MARCHF5: variants seen among roughly 807,000 people sequenced by gnomAD.
MARCHF5 encodes E3 ubiquitin-protein ligase MARCHF5.
Under a neutral mutation model 36.5 loss-of-function variants are expected in MARCHF5, and 5 were observed. The ratio of observed to expected loss-of-function variants is 0.14; its 90% confidence interval spans 0.07 to 0.29. The LOEUF is 0.29. MARCHF5 is among the 10% of genes least tolerant of loss of function. The pLI, the probability that MARCHF5 is intolerant of heterozygous loss-of-function variation, is 1.00. For synonymous variants in MARCHF5, 103 were observed against 109.9 expected (o/e 0.94, Z 0.39); for missense variants, 179 against 336.3 (o/e 0.53, Z 3.66).
Position 92,349,795 on chromosome 10 carries a change from G to A in MARCHF5, c.678G>A (p.Leu226=), listed in dbSNP as rs767181742. 6.8e-6 allele frequency: 11 copies of A among 1,613,912 alleles called. No individual in the cohort carries two copies. The highest frequency in any genetic ancestry group is 9.3e-6 in the Non-Finnish European group (11 of 1,179,810). ...CTATTGCTACAATAGTTGGTAAATT[G>A]ATGTTCAGTAGTGTTAACTCTAATT... is the stretch of plus-strand genomic sequence containing the variant. The part of the protein sequence containing the change: ...FPTIATIVGK[L]MFSSVNSNLQ... Residue 226 remains leucine (L), a synonymous_variant, in exon 5 of 6, where the codon TTG becomes TTA. Transcript: ENST00000358935.
intron 2 of MARCHF5, among the ~76,000 whole-genome samples, chr10:92,314,838 C>T (rs1222637954): frequency 6.6e-6 from 1 of 150,930 alleles, no homozygotes; most frequent in Non-Finnish European, 1.5e-5. Context: ...ACCTTGGCCT[C>T]CCAAAGTGCT....
At chr10:92,320,845 A>C (rs916081056) in intron 2 of MARCHF5, among the ~76,000 whole-genome samples, 5 of 152,086 alleles carry the variant, frequency 3.3e-5, no homozygotes, top group African/African-American at 1.2e-4. Context: ...TAAAGTCTAT[A>C]ATAGTGTATA....
chr10:92,292,427 A>C (rs562127203), intron 1 of MARCHF5, among the ~76,000 whole-genome samples: 1 of 152,286 alleles, frequency 6.6e-6, no homozygotes, highest in Admixed American at 6.5e-5. Context: ...ACCACTTGCC[A>C]CCCATTTCAG....
At chr10:92,306,686 G>A (rs1268223722) in intron 1 of MARCHF5, among the ~76,000 whole-genome samples, 4 of 152,164 alleles carry the variant, frequency 2.6e-5, no homozygotes, top group African/African-American at 4.8e-5. Flanking sequence ...AAAAGGGAAA[G>A]CATAATTATA....
intron 2 of MARCHF5, chr10:92,334,420 T>C (rs1190120204): frequency 6.6e-6 from 1 of 152,326 alleles, no homozygotes; most frequent in Non-Finnish European, 1.5e-5. Context: ...TCATGTTCTG[T>C]GTTAGAAACT....
intron 2 of MARCHF5, among the ~76,000 whole-genome samples, chr10:92,321,394 T>A (rs568819992): frequency 6.6e-6 from 1 of 152,272 alleles, no homozygotes; most frequent in Admixed American, 6.5e-5. Flanking sequence ...TGTATTCTAA[T>A]AATATGGCAT....
At chr10:92,325,143 A>G (rs565919916) in intron 2 of MARCHF5, among the ~76,000 whole-genome samples, 1 of 152,154 alleles carries the variant, frequency 6.6e-6, no homozygotes, top group Admixed American at 6.6e-5. Context: ...GACCAGCCTG[A>G]GCAACATAGT....
chr10:92,298,597 G>A (rs1462033833), intron 1 of MARCHF5, among the ~76,000 whole-genome samples: 1 of 152,038 alleles, frequency 6.6e-6, no homozygotes, highest in Non-Finnish European at 1.5e-5. Flanking sequence ...TTTGAGACAG[G>A]GTCTGGCTCT....
intron 1 of MARCHF5, among the ~76,000 whole-genome samples, chr10:92,301,087 G>T (rs1843006399): frequency 6.6e-6 from 1 of 151,960 alleles, no homozygotes; most frequent in African/African-American, 2.4e-5. Flanking sequence ...GGGTTTCACT[G>T]TTTTGGCCAG....
intron 3 of MARCHF5, among the ~76,000 whole-genome samples, chr10:92,345,697 C>CTTTTTTT (rs34971275): frequency 8.1e-6 from 1 of 123,632 alleles, no homozygotes; most frequent in Non-Finnish European, 1.7e-5. Flanking sequence ...TTTTTTTTTT[C>CTTTTTTT]TTTTTTTTTT....
chr10:92,350,862 A>C (rs1047818912), intron 5 of MARCHF5, among the ~76,000 whole-genome samples: 5 of 152,168 alleles, frequency 3.3e-5, no homozygotes, highest in Admixed American at 2.0e-4. Flanking sequence ...CTAGTCAGAA[A>C]GGATAATGGA....
intron 1 of MARCHF5, among the ~76,000 whole-genome samples, chr10:92,295,105 T>C (rs1842931961): frequency 6.6e-6 from 1 of 152,186 alleles, no homozygotes; most frequent in Non-Finnish European, 1.5e-5. Flanking sequence ...TAACAAATAC[T>C]GAGTGTCTTC....
chr10:92,318,494 G>A (rs1252526689), intron 2 of MARCHF5, among the ~76,000 whole-genome samples: 1 of 151,760 alleles, frequency 6.6e-6, no homozygotes, highest in African/African-American at 2.4e-5. Flanking sequence ...GACAAGGCAG[G>A]CAGATTGCTT....
chr10:92,294,336 T>C (rs1169162970), intron 1 of MARCHF5, among the ~76,000 whole-genome samples: 1 of 152,174 alleles, frequency 6.6e-6, no homozygotes, highest in East Asian at 1.9e-4. Context: ...CTACAGCAAA[T>C]GAAACATACA....
chr10:92,324,382 G>C (rs116797091), intron 2 of MARCHF5, among the ~76,000 whole-genome samples: 2,203 of 151,894 alleles, frequency 0.015, 56 homozygotes, highest in African/African-American at 0.05. Flanking sequence ...CTATTTATGA[G>C]ACGGAGTCTC....
At chr10:92,305,301 G>A (rs1357987527) in intron 1 of MARCHF5, among the ~76,000 whole-genome samples, 1 of 152,096 alleles carries the variant, frequency 6.6e-6, no homozygotes, top group Non-Finnish European at 1.5e-5. Context: ...CAGCTACTCG[G>A]GAGGGTGAGA....
chr10:92,296,641 C>T (rs530493333), intron 1 of MARCHF5, among the ~76,000 whole-genome samples: 2 of 152,228 alleles, frequency 1.3e-5, no homozygotes, highest in South Asian at 2.1e-4. Context: ...AAAATAAACA[C>T]GCATTAATTT....
At chr10:92,307,535 A>C (rs889627828) in intron 1 of MARCHF5, among the ~76,000 whole-genome samples, 1 of 152,122 alleles carries the variant, frequency 6.6e-6, no homozygotes, top group South Asian at 2.1e-4. Flanking sequence ...AGACTGGTCT[A>C]GGCAACATAA....
At chr10:92,337,810 A>AT (rs1843522084) in intron 2 of MARCHF5, among the ~76,000 whole-genome samples, 1 of 151,960 alleles carries the variant, frequency 6.6e-6, no homozygotes, top group African/African-American at 2.4e-5. Flanking sequence ...GATGGGTGGA[A>AT]TATTGGTTGA....
Sources: gnomAD v4.1 joint callset for allele counts (sites outside exome capture counted in the v4.1 genomes callset) on GRCh38, gnomAD v4.1.1 for gene constraint, MANE v1.5 for transcripts, NCBI Gene and HGNC (gene_info 2026-07-23, HGNC 2026-07-21) for gene names.